The following ATP9B variants were observed in gnomAD, a reference collection of about 807,000 sequenced individuals.
The protein encoded by ATP9B is probable phospholipid-transporting ATPase IIB.
Under a neutral mutation model 146.1 loss-of-function variants are expected in ATP9B, and 110 were observed. The ratio of observed to expected loss-of-function variants is 0.75; its 90% CI spans 0.65 to 0.88. The LOEUF (loss-of-function observed/expected upper bound fraction) is 0.88. ATP9B is among the 40% of genes least tolerant of loss of function. The pLI, the probability that ATP9B is intolerant of heterozygous loss-of-function variation, is 0.00. For synonymous variants in ATP9B, 604 were observed against 569.7 expected, an observed-to-expected ratio of 1.06 and a Z score of -0.86; for missense variants, 1,499 against 1,496.4, an observed-to-expected ratio of 1.00 and a Z score of -0.03.
intron 1 of ATP9B, among the ~76,000 whole-genome samples, chr18:79,076,605 C>T (rs189773395): frequency 2.6e-5 from 4 of 152,066 alleles, no homozygotes; most frequent in African/African-American, 4.8e-5. Flanking sequence ...AGTTTTTAGT[C>T]GTTTGACTGT....
chr18:79,073,626 G>T (rs1190823443), intron 1 of ATP9B, among the ~76,000 whole-genome samples: 1 of 152,052 alleles, frequency 6.6e-6, no homozygotes, highest in Non-Finnish European at 1.5e-5. Flanking sequence ...AGCGGGAGAC[G>T]GAGACGAGGG....
chr18:79,204,998 C>T (rs1454060908), intron 9 of ATP9B, among the ~76,000 whole-genome samples: 4 of 152,078 alleles, frequency 2.6e-5, no homozygotes, highest in Non-Finnish European at 4.4e-5. Flanking sequence ...AAGGCTCAGA[C>T]GCTAAGGTCA....
In ATP9B at chr18:79,108,758, G is replaced by A. The variant is rs150913556; in HGVS notation, c.294-1597G>A. Reference sequence around the variant, plus strand: ...CAGAACCAACCTCTGACCTTTCAGTGTGAGGATCTTCCCAGCACAGCTGAG... The same window carrying A: ...CAGAACCAACCTCTGACCTTTCAGTATGAGGATCTTCCCAGCACAGCTGAG... On this transcript the variant is annotated intron_variant, in intron 2 of 29. Coordinates refer to ENST00000426216, the MANE Select transcript of ATP9B (RefSeq NM_198531.5). 3.6e-3 allele frequency among the ~76,000 whole-genome samples: 556 copies of A among 152,332 alleles called. 2 individuals are homozygous for A. The highest frequency in any genetic ancestry group is 0.013 in the African/African-American group (526 of 41,582).
intron 4 of ATP9B, among the ~76,000 whole-genome samples, chr18:79,125,301 A>G (rs2094264465): frequency 6.6e-6 from 1 of 152,178 alleles, no homozygotes; most frequent in South Asian, 2.1e-4. Context: ...AGTGAGAGAC[A>G]CAGGCTGTCA....
intron 11 of ATP9B, among the ~76,000 whole-genome samples, chr18:79,227,096 T>C (rs928480656): frequency 9.8e-5 from 15 of 152,318 alleles, no homozygotes; most frequent in African/African-American, 3.6e-4. Flanking sequence ...CTTTCCTTGA[T>C]TGACCTTTAC....
intron 9 of ATP9B, among the ~76,000 whole-genome samples, chr18:79,205,948 T>G (rs1256155727): frequency 1.3e-5 from 2 of 152,080 alleles, no homozygotes; most frequent in African/African-American, 4.8e-5. Context: ...TACTTTTTTT[T>G]TTTTTTCTTT....
chr18:79,299,033 A>G (rs1377938316), intron 13 of ATP9B, among the ~76,000 whole-genome samples: 1 of 152,166 alleles, frequency 6.6e-6, no homozygotes, highest in East Asian at 1.9e-4. Context: ...ACTTCTGAAG[A>G]TTTCATGCAT....
intron 13 of ATP9B, among the ~76,000 whole-genome samples, chr18:79,279,747 G>A (rs1329801508): frequency 2.0e-5 from 3 of 152,154 alleles, no homozygotes; most frequent in Admixed American, 2.0e-4. Context: ...AAATACATAG[G>A]CGTACTGTCT....
chr18:79,076,875 T>C lies in ATP9B; in HGVS notation c.119+7346T>C, dbSNP rs373762455. Among the ~76,000 whole-genome samples, 744 of 151,982 alleles carry C rather than the reference T, an allele frequency of 4.9e-3. 5 individuals carry two copies. The highest frequency in any genetic ancestry group is 0.025 in the South Asian group (119 of 4,828). ...ATATTGGGCAGTTTCTGTTATTTTC[T>C]CTTAAAGTTCACTGATTTTTTCTTC... On this transcript the variant is annotated intron_variant, in intron 1 of 29. Coordinates refer to ENST00000426216, the MANE Select transcript of ATP9B (RefSeq NM_198531.5).
rs151110225 is a variant in ATP9B, at chr18:79,342,361, A to T, written c.2377A>T (p.Arg793Ter). The T allele has an allele frequency of 6.2e-7, 1 of 1,607,838 alleles. No homozygotes were observed. The highest frequency in any genetic ancestry group is 8.5e-7 in the Non-Finnish European group (1 of 1,174,686). Reference protein sequence around the residue: ...VSRTQDIHIFRQVTSRGEAHL... With the variant: ...VSRTQDIHIF ...TAGAACACAAGATATTCATATTTTCAGACAGGTAAGTATGTATCTTAATCA... is the reference window on the plus strand; with the variant it reads ...TAGAACACAAGATATTCATATTTTCTGACAGGTAAGTATGTATCTTAATCA... The change falls in exon 20 of 30, where the codon AGA becomes TGA. Residue 793 changes from arginine to a stop codon, truncating the protein, a stop_gained. Coordinates refer to ENST00000426216, the MANE Select transcript of ATP9B (RefSeq NM_198531.5). LOFTEE classifies it high-confidence loss of function.
Position 79,246,779 on chromosome 18 carries a change from T to G in ATP9B, c.1108-6602T>G, listed in dbSNP as rs537258277. 9.2e-5 allele frequency among the ~76,000 whole-genome samples: 14 copies of G among 152,278 alleles called. No individual in the cohort carries two copies. The East Asian group carries it at 2.7e-3, about 29-fold the overall frequency. On this transcript the variant is annotated intron_variant, in intron 11 of 29. Transcript: ENST00000426216. ...CGCCTATGGGAGGTGTGAGTACGAC[T>G]CTGAGACAGATGACTCTGAGACAGA... is the stretch of plus-strand genomic sequence containing the variant.
chr18:79,200,219 A>C (rs544903321), intron 9 of ATP9B, among the ~76,000 whole-genome samples: 1 of 152,304 alleles, frequency 6.6e-6, no homozygotes, highest in South Asian at 2.1e-4. Flanking sequence ...GGAATGCTTC[A>C]TCTCTGTTAT....
intron 1 of ATP9B, among the ~76,000 whole-genome samples, chr18:79,075,830 T>C (rs776037189): frequency 4.6e-4 from 70 of 152,368 alleles, no homozygotes; most frequent in Middle Eastern, 3.4e-3. Flanking sequence ...GCTTTCTGTT[T>C]TTGTTTCTCG....
intron 8 of ATP9B, among the ~76,000 whole-genome samples, chr18:79,182,288 G>A (rs2095260571): frequency 6.6e-6 from 1 of 152,168 alleles, no homozygotes; most frequent in Non-Finnish European, 1.5e-5. Context: ...CTGGAGCTCC[G>A]TGGTTCTCCT....
Position 79,181,628 on chromosome 18 carries a change from G to C in ATP9B, c.873+4721G>C, listed in dbSNP as rs187516270. Reference sequence around the variant, plus strand: ...TTTTTTCCTTCTGTAACTCAATTTTGATAGTATCTGTTGCTCTGTCATTAA... The same window carrying C: ...TTTTTTCCTTCTGTAACTCAATTTTCATAGTATCTGTTGCTCTGTCATTAA... On this transcript the variant is annotated intron_variant, in intron 8 of 29. Transcript: ENST00000426216. Among the ~76,000 whole-genome samples, 17 of 151,526 alleles carry C rather than the reference G, an allele frequency of 1.1e-4. 1 individual carries two copies. Among genetic ancestry groups the C allele is most frequent in the Admixed American group, 9.9e-4 (15 of 15,212 alleles).
At chr18:79,167,645 T>C (rs945123480) in intron 7 of ATP9B, among the ~76,000 whole-genome samples, 1 of 152,050 alleles carries the variant, frequency 6.6e-6, no homozygotes, top group Non-Finnish European at 1.5e-5. Context: ...TTTATGAACT[T>C]AGAAGGGAGG....
chr18:79,108,545 T>C (rs1328504605), intron 2 of ATP9B, among the ~76,000 whole-genome samples: 1 of 152,198 alleles, frequency 6.6e-6, no homozygotes, highest in Non-Finnish European at 1.5e-5. Context: ...GCTAAGATGT[T>C]CCACTCTTGC....
intron 5 of ATP9B, among the ~76,000 whole-genome samples, chr18:79,132,709 C>G (rs1444804930): frequency 1.3e-5 from 2 of 152,150 alleles, no homozygotes; most frequent in Non-Finnish European, 2.9e-5. Context: ...TTCACAGTTA[C>G]CTCTTTGAAT....
At chr18:79,328,766 G>T (rs968263382) in intron 15 of ATP9B, among the ~76,000 whole-genome samples, 2 of 152,170 alleles carry the variant, frequency 1.3e-5, no homozygotes, top group Admixed American at 1.3e-4. Context: ...ATGGAACTGG[G>T]GAGGGAGAAA....
Sources: allele counts gnomAD v4.1 joint callset (sites outside exome capture counted in the v4.1 genomes callset), GRCh38; gene constraint gnomAD v4.1.1; transcripts MANE v1.5; gene names NCBI Gene and HGNC (gene_info 2026-07-23, HGNC 2026-07-21).